Variants in CFAP46 observed in about 807,000 individuals in gnomAD.
CFAP46 encodes cilia- and flagella-associated protein 46.
A neutral mutation model predicts 325.7 loss-of-function variants in CFAP46; 245 were observed. The ratio of observed to expected loss-of-function variants is 0.75; its 90% CI spans 0.68 to 0.84. The LOEUF (loss-of-function observed/expected upper bound fraction) is 0.84, where lower values mean the gene tolerates loss of function less well. CFAP46 is among the 40% of genes least tolerant of loss of function. The pLI, the probability that CFAP46 is intolerant of heterozygous loss-of-function variation, is 0.00. For missense variants in CFAP46, 3,346 were observed against 3,543.0 expected, an observed-to-expected ratio of 0.94 and a Z score of 1.41; for synonymous variants, 1,523 against 1,495.9, an observed-to-expected ratio of 1.02 and a Z score of -0.42.
At chr10:132,826,528 G>A (rs867848967) in intron 50 of CFAP46, among the ~76,000 whole-genome samples, 37 of 86,090 alleles carry the variant, frequency 4.3e-4, no homozygotes, top group Non-Finnish European at 4.7e-4. Context: ...CCGGAGCCAC[G>A]GAGACCAGCC....
Position 132,861,074 on chromosome 10 carries a change from CAG to C in CFAP46, c.4891-94_4891-93del, listed in dbSNP as rs35770886. ...CAGGCAGAGAGAAGGAAGAGGGAGA[CAG>C]AGAGGCAGAGACAGACAGACGCACC... On this transcript the variant is annotated intron_variant, in intron 35 of 57. Transcript: ENST00000368586. 307 of 1,214,336 alleles carry C rather than the reference CAG, an allele frequency of 2.5e-4. 1 individual carries two copies. Among genetic ancestry groups the C allele is most frequent in the Non-Finnish European group, 3.2e-4 (277 of 858,666 alleles). 75.2% of individuals were successfully genotyped at this position (1,214,336 alleles called of 1,614,324 possible). A position where few individuals can be genotyped will look rare whatever the true frequency, so the allele number is the denominator to read the frequency against.
intron 17 of CFAP46, among the ~76,000 whole-genome samples, chr10:132,913,646 G>A (rs898102098): frequency 1.3e-5 from 2 of 152,182 alleles, no homozygotes; most frequent in Admixed American, 6.5e-5. Context: ...CAGTCCCTGG[G>A]GCTGAAACCG....
rs991024737 is a variant in CFAP46 at position 132,884,800 on chromosome 10, G to C, written c.3627+303C>G. On this transcript the variant is annotated intron_variant, in intron 27 of 57. Coordinates refer to ENST00000368586, the MANE Select transcript of CFAP46 (RefSeq NM_001200049.3). This position sits in a 1 kb window ranked among gnomAD's most constrained non-coding sequence, Gnocchi z 5.4. ...CATCGGGGCCCTGGTGCCACCAGGGGAGCCTGGGCGCTTCCACTTGGGGCA... is the reference window on the plus strand; with the variant it reads ...CATCGGGGCCCTGGTGCCACCAGGGCAGCCTGGGCGCTTCCACTTGGGGCA... Among the ~76,000 whole-genome samples, 1 of 152,094 alleles carries C rather than the reference G, an allele frequency of 6.6e-6. No individual in the cohort carries two copies. The highest frequency in any genetic ancestry group is 1.5e-5 in the Non-Finnish European group (1 of 67,990).
chr10:132,820,193 C>T (rs1180840718), intron 50 of CFAP46, among the ~76,000 whole-genome samples: 1 of 152,240 alleles, frequency 6.6e-6, no homozygotes, highest in Non-Finnish European at 1.5e-5. Flanking sequence ...GACATCCTGT[C>T]GCCGTTGGCG....
Position 132,913,066 on chromosome 10 carries a change from A to T in CFAP46, c.2313T>A (p.Val771=). ...VDALYHLLSI[V]KATGHSGDPV... Reference sequence around the variant, plus strand: ...CGCACCCACTGTGGCCTGTGGCCTTAACGATGCTCAGGAGGTGGTACAGGG... The same window carrying T: ...CGCACCCACTGTGGCCTGTGGCCTTTACGATGCTCAGGAGGTGGTACAGGG... Residue 771 remains valine, a synonymous_variant, in exon 18 of 58, where the codon GTT becomes GTA. Coordinates refer to ENST00000368586, the MANE Select transcript of CFAP46 (RefSeq NM_001200049.3). 1.9e-6 allele frequency: 3 copies of T among 1,550,116 alleles called. No homozygotes were observed. The South Asian group carries it at 3.6e-5, about 18-fold the overall frequency.
intron 19 of CFAP46, among the ~76,000 whole-genome samples, chr10:132,910,656 A>G (rs1413539617): frequency 6.6e-6 from 1 of 152,164 alleles, no homozygotes; most frequent in Admixed American, 6.5e-5. Context: ...CGGTGCAGGA[A>G]GCACTGGCCA....
At chr10:132,838,236 C>G (rs986673283) in intron 44 of CFAP46, among the ~76,000 whole-genome samples, 3 of 152,270 alleles carry the variant, frequency 2.0e-5, no homozygotes, top group South Asian at 2.1e-4. Flanking sequence ...CCAGAGGGCT[C>G]CTGGAGGCTT....
intron 4 of CFAP46, 111 bp from the exon 5 acceptor site, chr10:132,938,864 T>C: frequency 1.0e-6 from 1 of 982,470 alleles, no homozygotes; most frequent in Non-Finnish European, 1.5e-6. Flanking sequence ...GGGCCTCAGG[T>C]CCTCTCCAGC....
chr10:132,860,779 T>A lies in CFAP46; in HGVS notation c.5091+3A>T, dbSNP rs2135227673. On this transcript the variant is annotated splice_donor_region_variant and intron_variant, in intron 36 of 57. Transcript: ENST00000368586. ...TGCAGCCCCAGGTCCCCGTGCCTCT[T>A]ACCGTAGCTTCCCTTCCTGAGTGTT... 1 of 1,550,664 alleles carries A rather than the reference T, an allele frequency of 6.4e-7. No homozygotes were observed. Among genetic ancestry groups the A allele is most frequent in the East Asian group, 2.4e-5 (1 of 40,924 alleles).
In CFAP46 at chr10:132,942,517, G is replaced by C; in HGVS notation, c.-33C>G. 2 of 1,259,608 alleles carry C rather than the reference G, an allele frequency of 1.6e-6. No individual in the cohort carries two copies. The highest frequency in any genetic ancestry group is 3.3e-5 in the South Asian group (1 of 30,560). 78.0% of individuals were successfully genotyped at this position (1,259,608 alleles called of 1,614,324 possible). On this transcript the variant is annotated 5_prime_UTR_variant, in exon 1 of 58. Transcript: ENST00000368586. Reference sequence around the variant, plus strand: ...GCGCCCTGCTCGTCCGCTCTCTCCGGGGTCCGCGGTGCGTCCTGCCGCCCA... The same window carrying C: ...GCGCCCTGCTCGTCCGCTCTCTCCGCGGTCCGCGGTGCGTCCTGCCGCCCA...
intron 39 of CFAP46, among the ~76,000 whole-genome samples, chr10:132,851,834 G>C (rs1054132675): frequency 1.5e-5 from 2 of 136,992 alleles, no homozygotes; most frequent in Non-Finnish European, 3.2e-5. Context: ...CACAGATCCT[G>C]ATCCACAGAC....
chr10:132,818,173 G>A (rs1254596774), intron 50 of CFAP46, among the ~76,000 whole-genome samples: 2 of 152,306 alleles, frequency 1.3e-5, no homozygotes, highest in East Asian at 3.9e-4. Flanking sequence ...TTCCTTTTCT[G>A]CCCCTGCCAT....
Position 132,808,893 on chromosome 10 carries a change from G to C in CFAP46, c.7676C>G (p.Ser2559Ter), listed in dbSNP as rs374521388. The C allele has an allele frequency of 6.3e-7, 1 of 1,588,774 alleles. No individual in the cohort carries two copies. Among genetic ancestry groups the C allele is most frequent in the African/African-American group, 1.3e-5 (1 of 74,456 alleles). ...RRGGEPRRGF[S>*]DLEGQAAAAP... ...AGCAGCAGCTTGTCCTTCAAGGTCT[G>C]AGAAGCCTCGTCTGTGGAGAAAGGG... Residue 2559 changes from serine (S) to a stop codon, truncating the protein, a stop_gained, in exon 58 of 58, where the codon TCA (serine) becomes TGA (stop). Coordinates refer to ENST00000368586, the MANE Select transcript of CFAP46 (RefSeq NM_001200049.3). LOFTEE classifies it low-confidence loss of function (END_TRUNC). The surrounding 1 kb of genome is among the most constrained non-coding windows in gnomAD (Gnocchi z 6.8).
At chr10:132,835,164 C>A in intron 47 of CFAP46, 140 bp downstream of exon 47, 1 of 1,182,772 alleles carries the variant, frequency 8.5e-7, no homozygotes, top group Non-Finnish European at 1.2e-6. Flanking sequence ...TTGGGCAGTG[C>A]CCGGGTGTTG....
chr10:132,811,083 G>A, intron 55 of CFAP46, 52 bp from the exon 56 acceptor site: 2 of 1,485,146 alleles, frequency 1.3e-6, no homozygotes, highest in Non-Finnish European at 1.8e-6. Flanking sequence ...ATGGGGAGTG[G>A]GGATGGGGTG....
rs557830818 is a variant in CFAP46, at chr10:132,884,356, C to T, written c.3627+747G>A. On this transcript the variant is annotated intron_variant, in intron 27 of 57. Coordinates refer to ENST00000368586, the MANE Select transcript of CFAP46 (RefSeq NM_001200049.3). This position sits in a 1 kb window ranked among gnomAD's most constrained non-coding sequence, Gnocchi z 5.4. ...CAGAGACCCCCAACCATCCTCAGTT[C>T]CCGATGCCAAGGGCCCCCTGGACCC... 6.6e-6 allele frequency among the ~76,000 whole-genome samples: 1 copy of T among 152,344 alleles called. No homozygotes were observed. The highest frequency in any genetic ancestry group is 1.5e-5 in the Non-Finnish European group (1 of 68,022).
intron 33 of CFAP46, among the ~76,000 whole-genome samples, chr10:132,868,685 CTCTT>C (rs2135292522): frequency 6.6e-6 from 1 of 152,322 alleles, no homozygotes; most frequent in Non-Finnish European, 1.5e-5. Context: ...CTTTATTTTC[CTCTT>C]TCTTTTATCT....
chr10:132,895,046 C>A (rs186805786), intron 24 of CFAP46, among the ~76,000 whole-genome samples: 340 of 152,152 alleles, frequency 2.2e-3, no homozygotes, highest in Non-Finnish European at 3.8e-3. Flanking sequence ...AATACAGGTG[C>A]AAAAATCCTC....
At chr10:132,929,931 A>C in intron 8 of CFAP46, 127 bp from the exon 9 acceptor site, 1 of 697,228 alleles carries the variant, frequency 1.4e-6, no homozygotes. Flanking sequence ...AATAAATAAA[A>C]TTAAGTTAAT....
Sources: gnomAD v4.1 joint callset for allele counts (sites outside exome capture counted in the v4.1 genomes callset) on GRCh38, gnomAD v4.1.1 for gene constraint, Gnocchi (gnomAD v3.1) non-coding constraint, MANE v1.5 for transcripts, NCBI Gene and HGNC (gene_info 2026-07-23, HGNC 2026-07-21) for gene names.